The following MAD1L1 variants were observed in gnomAD, a reference collection of about 807,000 sequenced individuals.
MAD1L1 encodes the protein mitotic spindle assembly checkpoint protein MAD1.
A neutral mutation model predicts 96.9 loss-of-function variants in MAD1L1; 95 were observed. The observed-to-expected ratio is 0.98, with a 90% CI of 0.83 to 1.16. MAD1L1 has a LOEUF of 1.16. Among genes scored for constraint, MAD1L1 ranks in the 50% most tolerant of loss-of-function variants. The pLI, the probability that MAD1L1 is intolerant of heterozygous loss-of-function variation, is 0.00. For synonymous variants in MAD1L1, 473 were observed against 396.6 expected (o/e 1.19, Z -2.29); for missense variants, 1,007 against 954.4 (o/e 1.06, Z -0.73).
intron 18 of MAD1L1, among the ~76,000 whole-genome samples, chr7:1,826,591 C>T (rs985398585): frequency 2.8e-4 from 43 of 152,314 alleles, no homozygotes; most frequent in African/African-American, 9.6e-4. Flanking sequence ...GTCCCTCCGG[C>T]GTCCCTCGGG....
At chr7:2,211,719 G>A (rs755508190) in intron 10 of MAD1L1, among the ~76,000 whole-genome samples, 10 of 152,248 alleles carry the variant, frequency 6.6e-5, no homozygotes, top group Admixed American at 3.9e-4. Context: ...AGCCCGGGCC[G>A]TGCTCTGACT....
chr7:1,983,373 G>C (rs147498257), intron 14 of MAD1L1, among the ~76,000 whole-genome samples: 1 of 152,156 alleles, frequency 6.6e-6, no homozygotes, highest in East Asian at 1.9e-4. Context: ...CTCTTGTGGT[G>C]GGGGAGAGCA....
At chr7:2,060,676 G>C (rs1165776015) in intron 12 of MAD1L1, among the ~76,000 whole-genome samples, 1 of 152,206 alleles carries the variant, frequency 6.6e-6, no homozygotes, top group Non-Finnish European at 1.5e-5. Context: ...CGGCCACGAG[G>C]GGTCCCCGGG....
intron 10 of MAD1L1, among the ~76,000 whole-genome samples, chr7:2,173,177 G>A (rs1426208325): frequency 2.6e-5 from 4 of 152,198 alleles, no homozygotes; most frequent in Non-Finnish European, 4.4e-5. Context: ...CAATTATGTT[G>A]AAACGGACCT....
chr7:2,064,915 G>T (rs73283548), intron 12 of MAD1L1, among the ~76,000 whole-genome samples: 3 of 152,184 alleles, frequency 2.0e-5, no homozygotes, highest in Admixed American at 2.0e-4. Flanking sequence ...TGGGAGGACA[G>T]AGGCTTCTTC....
intron 18 of MAD1L1, among the ~76,000 whole-genome samples, chr7:1,895,583 G>C (rs1163327757): frequency 1.3e-5 from 2 of 152,262 alleles, no homozygotes; most frequent in Non-Finnish European, 2.9e-5. Flanking sequence ...AAGTGGGTAA[G>C]CTAAAAGCAA....
At chr7:1,969,601 C>T (rs1168841126) in intron 15 of MAD1L1, among the ~76,000 whole-genome samples, 1 of 152,170 alleles carries the variant, frequency 6.6e-6, no homozygotes, top group East Asian at 1.9e-4. Flanking sequence ...TTTGCAGATG[C>T]CAGGCTACAG....
intron 10 of MAD1L1, among the ~76,000 whole-genome samples, chr7:2,162,130 G>T (rs903064996): frequency 6.6e-6 from 1 of 151,714 alleles, no homozygotes; most frequent in Non-Finnish European, 1.5e-5. Flanking sequence ...TGAGGATGGC[G>T]GTTTTGTCGA....
intron 15 of MAD1L1, among the ~76,000 whole-genome samples, chr7:1,959,594 C>T (rs182386131): frequency 1.3e-5 from 2 of 152,154 alleles, no homozygotes; most frequent in African/African-American, 4.8e-5. Context: ...CCTACAGAGG[C>T]ACAAGGCGGG....
chr7:2,189,655 AG>A, intron 10 of MAD1L1, among the ~76,000 whole-genome samples: 1 of 152,352 alleles, frequency 6.6e-6, no homozygotes, highest in Admixed American at 6.5e-5. Context: ...GAGCACAGGG[AG>A]CGAGCGTTTA....
chr7:2,059,276 C>T (rs1377166605), intron 12 of MAD1L1, among the ~76,000 whole-genome samples: 2 of 113,694 alleles, frequency 1.8e-5, no homozygotes, highest in African/African-American at 7.2e-5. Context: ...AGGAGAGAAG[C>T]AGGGCTGGAG....
chr7:2,022,230 C>T lies in MAD1L1; in HGVS notation c.1219-7588G>A, dbSNP rs949807812. Among the ~76,000 whole-genome samples, 7 of 152,178 alleles carry T rather than the reference C, an allele frequency of 4.6e-5. 1 individual carries two copies. The South Asian group carries it at 8.3e-4, about 18-fold the overall frequency. On this transcript the variant is annotated intron_variant, in intron 12 of 18. Coordinates refer to ENST00000265854, the MANE Select transcript of MAD1L1 (RefSeq NM_001013836.2). ...GGGTGAAATGAAGCAGCAGGTGGCA[C>T]GGGAGGCAAGGGGAATGGGCGTGTT...
rs556472547 is a variant in MAD1L1, at chr7:2,226,567, G to A, written c.151-1017C>T. The stretch of plus-strand genomic sequence containing the variant: ...AGTTCCAGAGCCGGCCTTTGGGTAC[G>A]ACCTGCTCAGCTGGAGGAAAAGGCA... On this transcript the variant is annotated intron_variant, in intron 3 of 18. Transcript: ENST00000265854. 2.6e-5 allele frequency among the ~76,000 whole-genome samples: 4 copies of A among 152,346 alleles called. No homozygotes were observed. The South Asian group carries it at 6.2e-4, about 24-fold the overall frequency.
intron 18 of MAD1L1, among the ~76,000 whole-genome samples, chr7:1,824,957 GAC>G (rs915090689): frequency 1.3e-5 from 2 of 151,630 alleles, no homozygotes; most frequent in South Asian, 2.1e-4. Flanking sequence ...ACTGCAGCAC[GAC>G]ACACACTCTC....
At chr7:1,914,602 C>T (rs1583767257) in intron 17 of MAD1L1, among the ~76,000 whole-genome samples, 1 of 152,254 alleles carries the variant, frequency 6.6e-6, no homozygotes, top group South Asian at 2.1e-4. Context: ...CCCGAGATCA[C>T]ATCGTGTTGA....
chr7:2,100,351 G>C (rs1584319657), intron 11 of MAD1L1, among the ~76,000 whole-genome samples: 1 of 152,214 alleles, frequency 6.6e-6, no homozygotes, highest in East Asian at 1.9e-4. Flanking sequence ...TGAGCCTTCT[G>C]ACAGATAGTA....
chr7:1,911,552 C>A (rs969072457), intron 17 of MAD1L1, among the ~76,000 whole-genome samples: 2 of 152,270 alleles, frequency 1.3e-5, no homozygotes, highest in Non-Finnish European at 2.9e-5. Context: ...TCTGCTGCCA[C>A]AATGTGGCGG....
chr7:1,951,679 A>C (rs551263092), intron 16 of MAD1L1, among the ~76,000 whole-genome samples: 157 of 152,174 alleles, frequency 1.0e-3, no homozygotes, highest in African/African-American at 3.7e-3. Flanking sequence ...TGTAGGTGGA[A>C]TCACATAGCC....
intron 15 of MAD1L1, among the ~76,000 whole-genome samples, chr7:1,979,382 A>G (rs1462528417): frequency 6.6e-6 from 1 of 152,224 alleles, no homozygotes; most frequent in Non-Finnish European, 1.5e-5. Context: ...TGGCCAATGC[A>G]GGAAAGCCAT....
Sources: gnomAD v4.1 joint callset for allele counts (sites outside exome capture counted in the v4.1 genomes callset) on GRCh38, gnomAD v4.1.1 for gene constraint, MANE v1.5 for transcripts, NCBI Gene and HGNC (gene_info 2026-07-23, HGNC 2026-07-21) for gene names.